Variants in KCND2 observed in about 807,000 individuals in gnomAD.
The protein encoded by KCND2 is A-type voltage-gated potassium channel KCND2.
A neutral mutation model predicts 54.4 loss-of-function variants in KCND2; 16 were observed. That is an observed-to-expected ratio of 0.29 (90% confidence interval 0.20 to 0.45). The LOEUF is 0.45. Among genes scored for constraint, KCND2 ranks in the 20% least tolerant of loss-of-function variants. The pLI, the probability that KCND2 is intolerant of heterozygous loss-of-function variation, is 1.00. For missense variants in KCND2, 486 were observed against 824.2 expected, an observed-to-expected ratio of 0.59 and a Z score of 5.02; for synonymous variants, 317 against 310.7, an observed-to-expected ratio of 1.02 and a Z score of -0.21.
intron 1 of KCND2, among the ~76,000 whole-genome samples, chr7:120,465,350 G>C (rs767379763): frequency 5.9e-5 from 9 of 151,844 alleles, no homozygotes; most frequent in Non-Finnish European, 8.8e-5. Flanking sequence ...TAGGATCATA[G>C]AGAATAAGCA....
intron 1 of KCND2, among the ~76,000 whole-genome samples, chr7:120,448,061 G>A (rs1802043529): frequency 6.6e-6 from 1 of 152,146 alleles, no homozygotes; most frequent in Non-Finnish European, 1.5e-5. Flanking sequence ...TTAAGTTCTA[G>A]GGTACATGTG....
intron 1 of KCND2, among the ~76,000 whole-genome samples, chr7:120,647,822 C>G (rs1419836687): frequency 1.3e-5 from 2 of 152,166 alleles, no homozygotes; most frequent in Non-Finnish European, 2.9e-5. Flanking sequence ...GAAAGCTACT[C>G]TAAAATGTTA....
At chr7:120,634,332 G>T (rs1174160171) in intron 1 of KCND2, among the ~76,000 whole-genome samples, 1 of 151,784 alleles carries the variant, frequency 6.6e-6, no homozygotes. Context: ...ATAATGATTG[G>T]GTAGTATTAT....
intron 1 of KCND2, among the ~76,000 whole-genome samples, chr7:120,561,103 A>G (rs1466863165): frequency 1.3e-5 from 2 of 152,230 alleles, no homozygotes; most frequent in Admixed American, 1.3e-4. Flanking sequence ...ATATAGAAAC[A>G]GTCTAGTAAT....
chr7:120,420,119 G>A (rs1354712464), intron 1 of KCND2, among the ~76,000 whole-genome samples: 1 of 151,838 alleles, frequency 6.6e-6, no homozygotes. Context: ...GCAAAAGTGA[G>A]GTACATTTGT....
Position 120,275,390 on chromosome 7 carries a change from G to A in KCND2, c.758G>A (p.Ser253Asn). Residue 253 changes from serine (S) to asparagine (N), a missense_variant, in exon 1 of 6, where the codon AGT becomes AAT. By Grantham distance (46) the Ser-to-Asn change is conservative. Transcript: ENST00000331113. The part of the protein sequence containing the change: ...EYLLRLAAAP[S>N]RYRFVRSVMS... ...TTGCTTCGCCTGGCTGCAGCGCCTA[G>A]TCGTTACCGTTTTGTGCGTAGTGTC... 6.2e-7 allele frequency: 1 copy of A among 1,613,804 alleles called. No individual in the cohort carries two copies. The highest frequency in any genetic ancestry group is 8.5e-7 in the Non-Finnish European group (1 of 1,179,978).
At chr7:120,418,275 A>T (rs1236052842) in intron 1 of KCND2, among the ~76,000 whole-genome samples, 1 of 152,214 alleles carries the variant, frequency 6.6e-6, no homozygotes, top group East Asian at 1.9e-4. Flanking sequence ...TGTGATAATG[A>T]AGAAAGGGGC....
intron 1 of KCND2, among the ~76,000 whole-genome samples, chr7:120,409,075 AT>A: frequency 6.6e-6 from 1 of 151,950 alleles, no homozygotes; most frequent in Non-Finnish European, 1.5e-5. Context: ...ATTGCTACAT[AT>A]TTTAATAAGA....
intron 1 of KCND2, among the ~76,000 whole-genome samples, chr7:120,528,639 C>G (rs958019885): frequency 6.6e-6 from 1 of 152,064 alleles, no homozygotes; most frequent in African/African-American, 2.4e-5. Flanking sequence ...TAACACAAAG[C>G]AAATAAATGA....
chr7:120,559,987 G>A (rs1792213915), intron 1 of KCND2, among the ~76,000 whole-genome samples: 1 of 152,148 alleles, frequency 6.6e-6, no homozygotes, highest in Non-Finnish European at 1.5e-5. Context: ...ATTTCATGTT[G>A]TATTCAAAAC....
rs551413210 is a variant in KCND2 at position 120,474,972 on chromosome 7, G to A, written c.1115+199225G>A. Among the ~76,000 whole-genome samples, 8 of 152,110 alleles carry A rather than the reference G, an allele frequency of 5.3e-5. No homozygotes were observed. In the South Asian group the frequency reaches 1.7e-3, roughly 32 times the overall value. ...CCTCCCACCTCACCCTCCCAAGTAC[G>A]TAGAACTATAGGTGCACAGCACCAC... On this transcript the variant is annotated intron_variant, in intron 1 of 5. Coordinates refer to ENST00000331113, the MANE Select transcript of KCND2 (RefSeq NM_012281.3).
In KCND2 at chr7:120,629,104, C is replaced by T. The variant is rs115967291; in HGVS notation, c.1116-103799C>T. ...GCTTAAGGGAACTAAAAGAAAGAACCATGCACAAAACTGTGGGATGAATTT... is the reference window on the plus strand; with the variant it reads ...GCTTAAGGGAACTAAAAGAAAGAACTATGCACAAAACTGTGGGATGAATTT... On this transcript the variant is annotated intron_variant, in intron 1 of 5. Transcript: ENST00000331113. Among the ~76,000 whole-genome samples the T allele has an allele frequency of 5.5e-3, 830 of 152,222 alleles. 14 individuals are homozygous for T. The highest frequency in any genetic ancestry group is 0.019 in the African/African-American group (783 of 41,528).
chr7:120,367,469 A>G (rs983508582), intron 1 of KCND2, among the ~76,000 whole-genome samples: 17 of 151,996 alleles, frequency 1.1e-4, no homozygotes, highest in African/African-American at 4.1e-4. Context: ...CATTATTACA[A>G]TATCTCATCA....
intron 1 of KCND2, among the ~76,000 whole-genome samples, chr7:120,464,494 T>C (rs1802338943): frequency 6.6e-6 from 1 of 152,198 alleles, no homozygotes. Context: ...CATTTCTTTA[T>C]TGATGCCTAA....
intron 1 of KCND2, among the ~76,000 whole-genome samples, chr7:120,594,033 A>G (rs532865019): frequency 2.6e-5 from 4 of 152,294 alleles, no homozygotes; most frequent in South Asian, 4.1e-4. Context: ...TATGCCTCTC[A>G]TAACCAGGTA....
chr7:120,393,617 T>C (rs1183171959), intron 1 of KCND2, among the ~76,000 whole-genome samples: 1 of 151,970 alleles, frequency 6.6e-6, no homozygotes, highest in African/African-American at 2.4e-5. Context: ...TGCTAGCTGA[T>C]TATGGAAATA....
rs184406891 is a variant in KCND2 at position 120,399,245 on chromosome 7, G to A, written c.1115+123498G>A. Among the ~76,000 whole-genome samples the A allele has an allele frequency of 3.6e-4, 55 of 151,334 alleles. 1 individual carries two copies. The highest frequency in any genetic ancestry group is 3.4e-3 in the Admixed American group (51 of 15,120). Reference sequence around the variant, plus strand: ...ATTGGTAGTTGTAACAGCGTATTTGGCTCAGTGATAACTATTATAGCATTC... The same window carrying A: ...ATTGGTAGTTGTAACAGCGTATTTGACTCAGTGATAACTATTATAGCATTC... On this transcript the variant is annotated intron_variant, in intron 1 of 5. Coordinates refer to ENST00000331113, the MANE Select transcript of KCND2 (RefSeq NM_012281.3).
intron 1 of KCND2, among the ~76,000 whole-genome samples, chr7:120,693,190 C>T (rs1426131618): frequency 6.6e-6 from 1 of 152,138 alleles, no homozygotes; most frequent in Admixed American, 6.6e-5. Flanking sequence ...ACTTTCTATT[C>T]ATTTTCTGAG....
chr7:120,645,391 T>C (rs961070101), intron 1 of KCND2, among the ~76,000 whole-genome samples: 1 of 152,092 alleles, frequency 6.6e-6, no homozygotes, highest in South Asian at 2.1e-4. Context: ...AGTGGCATGC[T>C]AATATAGAGT....
Sources: allele counts gnomAD v4.1 joint callset (sites outside exome capture counted in the v4.1 genomes callset), GRCh38; gene constraint gnomAD v4.1.1; transcripts MANE v1.5; gene names NCBI Gene and HGNC (gene_info 2026-07-23, HGNC 2026-07-21).